BRWD1: variants seen among roughly 807,000 people sequenced by gnomAD.
The protein encoded by BRWD1 is bromodomain and WD repeat-containing protein 1.
BRWD1 carries 82 observed loss-of-function variants against 251.2 expected under a neutral mutation model. That is an observed-to-expected ratio of 0.33 (90% confidence interval 0.27 to 0.39). BRWD1 has a LOEUF of 0.39. Ranked by LOEUF, BRWD1 falls within the 10% of genes least tolerant of loss-of-function variation. BRWD1 has a pLI of 1.00. For missense variants in BRWD1, 2,233 were observed against 2,711.6 expected (o/e 0.82, Z 3.92); for synonymous variants, 918 against 902.8 (o/e 1.02, Z -0.30).
chr21:39,298,408 G>A (rs1201144450), intron 5 of BRWD1, 24 bp downstream of exon 5: 1 of 1,560,072 alleles, frequency 6.4e-7, no homozygotes, highest in Non-Finnish European at 8.6e-7. Context: ...ATACAAAGCA[G>A]AACACTTCTT....
chr21:39,276,114 A>G, intron 12 of BRWD1, 59 bp downstream of exon 12: 2 of 1,450,656 alleles, frequency 1.4e-6, no homozygotes. Flanking sequence ...CTATACTAAC[A>G]TGTAGCACAT....
At chr21:39,296,477 G>A (rs2146756747) in intron 5 of BRWD1, 114 bp from the exon 6 acceptor site, 5 of 1,283,538 alleles carry the variant, frequency 3.9e-6, no homozygotes, top group Non-Finnish European at 5.0e-6. Context: ...TTACCAACTA[G>A]TATACTTTAA....
At chr21:39,303,185 G>A (rs1421438351) in intron 4 of BRWD1, among the ~76,000 whole-genome samples, 3 of 151,932 alleles carry the variant, frequency 2.0e-5, no homozygotes, top group African/African-American at 4.8e-5. Context: ...AAACCTCTAG[G>A]GAAACCACCA....
intron 21 of BRWD1, among the ~76,000 whole-genome samples, chr21:39,244,921 A>AATATATATATACATATATATATATAT (rs1555859653): frequency 4.4e-5 from 5 of 112,560 alleles, no homozygotes; most frequent in African/African-American, 1.5e-4. Flanking sequence ...CTTTGGAAGA[A>AATATATATATACATATATATATATAT]ATATATATAT....
chr21:39,215,514 A>T (rs1458133796), intron 31 of BRWD1, 152 bp from the exon 32 acceptor site: 8 of 669,938 alleles, frequency 1.2e-5, no homozygotes, highest in Non-Finnish European at 2.0e-5. Flanking sequence ...TCTCAACTTG[A>T]TCATAGTCAT....
intron 4 of BRWD1, among the ~76,000 whole-genome samples, chr21:39,308,422 C>T (rs2036358157): frequency 6.8e-6 from 1 of 146,880 alleles, no homozygotes; most frequent in South Asian, 2.2e-4. Context: ...GCAGAGGTTG[C>T]AGTCAGCCAA....
At chr21:39,307,554 C>G (rs192348589) in intron 4 of BRWD1, among the ~76,000 whole-genome samples, 188 of 152,236 alleles carry the variant, frequency 1.2e-3, no homozygotes, top group African/African-American at 4.2e-3. Context: ...TGTTAACCTT[C>G]CTGGGTTATG....
At chr21:39,225,347 AT>A (rs2033339838) in intron 27 of BRWD1, 150 bp from the exon 28 acceptor site, 1 of 577,748 alleles carries the variant, frequency 1.7e-6, no homozygotes, top group South Asian at 2.2e-5. Context: ...ACCAAGAAAA[AT>A]ATGGCATAAA....
At chr21:39,282,246 A>C (rs1252080832) in intron 8 of BRWD1, among the ~76,000 whole-genome samples, 3 of 152,146 alleles carry the variant, frequency 2.0e-5, no homozygotes, top group Non-Finnish European at 4.4e-5. Context: ...CTGTCTCAAA[A>C]AGCAAACAAA....
chr21:39,258,833 A>C (rs182971639), intron 17 of BRWD1, among the ~76,000 whole-genome samples, 161 bp from the exon 18 acceptor site: 43 of 152,284 alleles, frequency 2.8e-4, no homozygotes, highest in African/African-American at 1.0e-3. Flanking sequence ...AAGAAGTCAG[A>C]GAAAAGATTC....
intron 37 of BRWD1, among the ~76,000 whole-genome samples, chr21:39,203,918 G>A (rs991702404): frequency 6.4e-5 from 8 of 125,208 alleles, no homozygotes; most frequent in East Asian, 2.3e-4. Context: ...TTGGAAGCCC[G>A]AGGCAGGTGG....
rs1445311670 is a variant in BRWD1, at chr21:39,187,544, A to T, written c.*8715T>A. The T allele has an allele frequency of 2.1e-6, 3 of 1,396,766 alleles. No individual in the cohort carries two copies. The highest frequency in any genetic ancestry group is 5.3e-5 in the East Asian group (2 of 38,030). 86.5% of individuals were successfully genotyped at this position (1,396,766 alleles called of 1,614,324 possible). On this transcript the variant is annotated 3_prime_UTR_variant, in exon 41 of 41. Transcript: ENST00000342449. ...TTAAAAGTCATATTGCTAAATGATAAATTTTAAAATGTGATACTAAGGGCT... is the reference window on the plus strand; with the variant it reads ...TTAAAAGTCATATTGCTAAATGATATATTTTAAAATGTGATACTAAGGGCT...
upstream of BRWD1, among the ~76,000 whole-genome samples, chr21:39,318,810 G>A (rs537176097): frequency 3.3e-4 from 50 of 152,174 alleles, no homozygotes; most frequent in Admixed American, 5.9e-4. Flanking sequence ...TTAGAGATGC[G>A]GGTCTTGCTC....
intron 21 of BRWD1, among the ~76,000 whole-genome samples, chr21:39,244,497 G>A (rs139829708): frequency 1.4e-3 from 209 of 152,240 alleles, no homozygotes; most frequent in African/African-American, 5.0e-3. Flanking sequence ...ATTAGATAAC[G>A]TGTAAACCAT....
At chr21:39,311,601 A>T (rs2036486593) in intron 4 of BRWD1, among the ~76,000 whole-genome samples, 2 of 152,246 alleles carry the variant, frequency 1.3e-5, no homozygotes, top group Admixed American at 1.3e-4. Context: ...TCCGTGAAGA[A>T]AACTAAAAGA....
intron 5 of BRWD1, chr21:39,297,279 A>G (rs1297540799): frequency 2.2e-5 from 22 of 985,368 alleles, no homozygotes; most frequent in Non-Finnish European, 2.7e-5. Flanking sequence ...ACTAACAGAC[A>G]TATTGCATTT....
Position 39,210,103 on chromosome 21 carries a change from T to C in BRWD1, c.4089A>G (p.Val1363=). The C allele has an allele frequency of 6.2e-7, 1 of 1,613,088 alleles. No homozygotes were observed. Among genetic ancestry groups the C allele is most frequent in the Non-Finnish European group, 8.5e-7 (1 of 1,179,184 alleles). ...IIDTPMDFGT[V]RETLDAGNYD... ...AATTTCCCGCATCTAGAGTTTCCCT[T>C]ACTGTTCCAAAATCCATTGGGGTAT... The change falls in exon 36 of 41, where the codon GTA becomes GTG. Residue 1363 remains valine (V), a synonymous_variant. Transcript: ENST00000342449.
intron 25 of BRWD1, among the ~76,000 whole-genome samples, chr21:39,230,869 C>T (rs1001261138): frequency 1.3e-5 from 2 of 150,954 alleles, no homozygotes; most frequent in African/African-American, 4.9e-5. Flanking sequence ...GCTCGTCAGG[C>T]AAGTCAAATT....
chr21:39,301,893 GAAA>G (rs1555877780), intron 4 of BRWD1, among the ~76,000 whole-genome samples: 1 of 56,792 alleles, frequency 1.8e-5, no homozygotes. Context: ...TTACTGTGCC[GAAA>G]AAAAAAAAAA....
Sources: allele counts gnomAD v4.1 joint callset (sites outside exome capture counted in the v4.1 genomes callset), GRCh38; gene constraint gnomAD v4.1.1; transcripts MANE v1.5; gene names NCBI Gene and HGNC (gene_info 2026-07-23, HGNC 2026-07-21).